Variants in SRBD1 observed in about 807,000 individuals in gnomAD.
SRBD1 encodes the protein S1 RNA binding domain 1, also known as S1 RNA-binding domain-containing protein 1.
Under a neutral mutation model 115.3 loss-of-function variants are expected in SRBD1, and 88 were observed. The ratio of observed to expected loss-of-function variants is 0.76; its 90% CI spans 0.64 to 0.91. The LOEUF (loss-of-function observed/expected upper bound fraction) is 0.91, where lower values mean the gene tolerates loss of function less well. SRBD1 is among the 40% of genes least tolerant of loss of function. The pLI, the probability that SRBD1 is intolerant of heterozygous loss-of-function variation, is 0.00. For synonymous variants in SRBD1, 509 were observed against 407.7 expected (o/e 1.25, Z -2.99); for missense variants, 1,385 against 1,177.4 (o/e 1.18, Z -2.58).
At chr2:45,541,674 A>G (rs1314390729) in intron 14 of SRBD1, among the ~76,000 whole-genome samples, 1 of 152,096 alleles carries the variant, frequency 6.6e-6, no homozygotes, top group African/African-American at 2.4e-5. Context: ...GGTTATCCCA[A>G]TGAGTGTCCA....
At chr2:45,428,426 C>T (rs1196016520) in intron 16 of SRBD1, among the ~76,000 whole-genome samples, 1 of 152,154 alleles carries the variant, frequency 6.6e-6, no homozygotes, top group Admixed American at 6.5e-5. Flanking sequence ...TGGCAAGCGC[C>T]TGTAGTCCCA....
intron 12 of SRBD1, among the ~76,000 whole-genome samples, chr2:45,549,696 CAAAAAAA>C (rs10646755): frequency 2.4e-5 from 2 of 84,752 alleles, no homozygotes; most frequent in Admixed American, 1.5e-4. Flanking sequence ...ACTAAAAATA[CAAAAAAA>C]AAAAAAAAAA....
At chr2:45,506,918 T>G (rs1325441162) in intron 14 of SRBD1, among the ~76,000 whole-genome samples, 1 of 152,236 alleles carries the variant, frequency 6.6e-6, no homozygotes, top group African/African-American at 2.4e-5. Flanking sequence ...CCATGTCTGC[T>G]GTCTTTTTTC....
intron 4 of SRBD1, among the ~76,000 whole-genome samples, chr2:45,589,024 T>C (rs1487133881): frequency 1.3e-5 from 2 of 152,210 alleles, no homozygotes; most frequent in Non-Finnish European, 2.9e-5. Flanking sequence ...ACTTATAAAA[T>C]GTCTGTTCCC....
intron 16 of SRBD1, among the ~76,000 whole-genome samples, chr2:45,453,917 G>A (rs918575511): frequency 3.3e-5 from 5 of 151,804 alleles, no homozygotes; most frequent in African/African-American, 1.2e-4. Flanking sequence ...GTGGCAATTC[G>A]TCCACTGCAA....
intron 12 of SRBD1, among the ~76,000 whole-genome samples, chr2:45,550,890 A>G (rs1672275245): frequency 6.6e-6 from 1 of 152,222 alleles, no homozygotes; most frequent in Non-Finnish European, 1.5e-5. Flanking sequence ...TTAATCCTCA[A>G]TATCTCTACT....
chr2:45,601,774 A>C (rs1674098522), intron 3 of SRBD1, 129 bp downstream of exon 3: 4 of 1,223,188 alleles, frequency 3.3e-6, no homozygotes, highest in Non-Finnish European at 4.6e-6. Flanking sequence ...ATTAAGACCC[A>C]GGGTAGGGGA....
chr2:45,505,812 A>T (rs781614149), intron 14 of SRBD1, among the ~76,000 whole-genome samples: 1 of 120,020 alleles, frequency 8.3e-6, no homozygotes. Context: ...AAAATAATCT[A>T]AAACCATGAC....
At chr2:45,558,598 C>A (rs948956122) in intron 10 of SRBD1, among the ~76,000 whole-genome samples, 1 of 151,624 alleles carries the variant, frequency 6.6e-6, no homozygotes, top group Non-Finnish European at 1.5e-5. Context: ...CCATTTAAAT[C>A]ACTATTTGCC....
At chr2:45,498,095 G>A (rs1670517141) in intron 14 of SRBD1, among the ~76,000 whole-genome samples, 4 of 151,994 alleles carry the variant, frequency 2.6e-5, no homozygotes, top group Admixed American at 2.0e-4. Flanking sequence ...TTTTACTATA[G>A]CTATTTTAGT....
chr2:45,513,926 G>A lies in SRBD1; in HGVS notation c.1875-25595C>T, dbSNP rs558133379. Among the ~76,000 whole-genome samples the A allele has an allele frequency of 2.0e-5, 3 of 152,074 alleles. No individual in the cohort carries two copies. The South Asian group carries it at 6.2e-4, about 31-fold the overall frequency. The stretch of plus-strand genomic sequence containing the variant: ...TACCATATTAAAACAATGGAGAGGT[G>A]GAAAGGCTGCATGGTGTGCTAGGAC... On this transcript the variant is annotated intron_variant, in intron 14 of 20. Coordinates refer to ENST00000263736, the MANE Select transcript of SRBD1 (RefSeq NM_018079.5).
intron 16 of SRBD1, among the ~76,000 whole-genome samples, chr2:45,452,341 C>A (rs757327765): frequency 6.6e-6 from 1 of 151,928 alleles, no homozygotes; most frequent in Non-Finnish European, 1.5e-5. Context: ...TGGTTTCACA[C>A]GCCTACTTTT....
At chr2:45,394,808 T>C (rs1667098568) in intron 19 of SRBD1, among the ~76,000 whole-genome samples, 1 of 152,222 alleles carries the variant, frequency 6.6e-6, no homozygotes, top group African/African-American at 2.4e-5. Context: ...CTAATTCTCT[T>C]GAGAATGTAT....
At chr2:45,472,147 T>G (rs1169688149) in intron 16 of SRBD1, among the ~76,000 whole-genome samples, 1 of 152,082 alleles carries the variant, frequency 6.6e-6, no homozygotes, top group East Asian at 1.9e-4. Flanking sequence ...ACTGGAATAC[T>G]ACTTAGCCAT....
intron 7 of SRBD1, among the ~76,000 whole-genome samples, chr2:45,576,564 A>G (rs919283648): frequency 1.4e-4 from 21 of 152,210 alleles, no homozygotes; most frequent in African/African-American, 4.1e-4. Flanking sequence ...AAACTTTCCT[A>G]TGAGGGAATT....
chr2:45,459,761 TC>T (rs1484625171), intron 16 of SRBD1, among the ~76,000 whole-genome samples: 2 of 152,172 alleles, frequency 1.3e-5, no homozygotes, highest in Non-Finnish European at 2.9e-5. Flanking sequence ...AAAATTACTT[TC>T]CCAAGGTGAC....
intron 20 of SRBD1, among the ~76,000 whole-genome samples, chr2:45,391,722 C>T (rs1389843256): frequency 6.6e-6 from 1 of 152,112 alleles, no homozygotes; most frequent in African/African-American, 2.4e-5. Context: ...TGCTCAACAA[C>T]TTGGTAGTTT....
chr2:45,580,098 A>G, intron 6 of SRBD1, 85 bp from the exon 7 acceptor site: 1 of 1,108,048 alleles, frequency 9.0e-7, no homozygotes, highest in Non-Finnish European at 1.2e-6. Flanking sequence ...GGACATGCTG[A>G]GAATGCTAAA....
At chr2:45,473,049 T>G (rs1669698260) in intron 16 of SRBD1, among the ~76,000 whole-genome samples, 1 of 151,990 alleles carries the variant, frequency 6.6e-6, no homozygotes, top group Non-Finnish European at 1.5e-5. Flanking sequence ...TAGGGGAAGT[T>G]AGCCCATTCA....
Sources: allele counts gnomAD v4.1 joint callset (sites outside exome capture counted in the v4.1 genomes callset), GRCh38; gene constraint gnomAD v4.1.1; transcripts MANE v1.5; gene names NCBI Gene and HGNC (gene_info 2026-07-23, HGNC 2026-07-21).